The following NAV2 variants were observed in gnomAD, a reference collection of about 807,000 sequenced individuals.
NAV2 encodes helicase, APC down-regulated 1.
In NAV2, 54 loss-of-function variants were observed where a neutral mutation model predicts 223.2. The observed-to-expected ratio is 0.24, with a 90% CI of 0.19 to 0.30. The LOEUF (loss-of-function observed/expected upper bound fraction) is 0.30, where lower values mean the gene tolerates loss of function less well. Among genes scored for constraint, NAV2 ranks in the 10% least tolerant of loss-of-function variants. The pLI is 1.00. For missense variants in NAV2, 2,806 were observed against 3,147.5 expected (o/e 0.89, Z 2.60); for synonymous variants, 1,279 against 1,239.3 (o/e 1.03, Z -0.67).
intron 1 of NAV2, among the ~76,000 whole-genome samples, chr11:19,819,128 T>C (rs1414872370): frequency 6.6e-6 from 1 of 152,190 alleles, no homozygotes; most frequent in Non-Finnish European, 1.5e-5. Context: ...AGTCAGGTGT[T>C]GTGCTTGTGT....
intron 1 of NAV2, among the ~76,000 whole-genome samples, chr11:19,641,153 G>A (rs917698897): frequency 6.6e-6 from 1 of 152,156 alleles, no homozygotes; most frequent in Non-Finnish European, 1.5e-5. Context: ...ACCTGGGAGG[G>A]GCAGAGGTAA....
In NAV2 at chr11:19,764,474, G is replaced by A. The variant is rs188832634; in HGVS notation, c.267+50512G>A. ...AAAAGGAAGGGCATATTCCCAAGTA[G>A]ACACAGATGTATTGTTCATGCTAAC... On this transcript the variant is annotated intron_variant, in intron 1 of 37. Transcript: ENST00000349880. Among the ~76,000 whole-genome samples, 11 of 152,288 alleles carry A rather than the reference G, an allele frequency of 7.2e-5. No homozygotes were observed. In the East Asian group the frequency reaches 2.1e-3, roughly 29 times the overall value.
At chr11:19,848,646 C>A (rs148704166) in intron 3 of NAV2, among the ~76,000 whole-genome samples, 1 of 152,306 alleles carries the variant, frequency 6.6e-6, no homozygotes, top group African/African-American at 2.4e-5. Flanking sequence ...TTTAAGGCTT[C>A]CATGAGACAA....
At chr11:19,944,705 T>C (rs3044342) in intron 8 of NAV2, among the ~76,000 whole-genome samples, 36 of 145,266 alleles carry the variant, frequency 2.5e-4, no homozygotes, top group African/African-American at 9.3e-4. Context: ...TTCTTCCTTC[T>C]TTCCTTCCTT....
intron 1 of NAV2, among the ~76,000 whole-genome samples, chr11:19,478,660 A>G (rs962152396): frequency 6.6e-5 from 10 of 152,224 alleles, no homozygotes; most frequent in African/African-American, 2.2e-4. Flanking sequence ...CTAAGCCTTG[A>G]CCAACCAAGA....
In NAV2 at chr11:19,712,900, C is replaced by T. The variant is rs971960514; in HGVS notation, c.-796C>T. ...TCCCGGGAAGCGCGGCGGCCGCTCC[C>T]GAGCGCAGCCCTGCCCGGCCCGCCA... On this transcript the variant is annotated 5_prime_UTR_variant, in exon 1 of 38. Coordinates refer to ENST00000349880, the MANE Select transcript of NAV2 (RefSeq NM_145117.5). Among the ~76,000 whole-genome samples, 1 of 151,158 alleles carries T rather than the reference C, an allele frequency of 6.6e-6. No homozygotes were observed. Among genetic ancestry groups the T allele is most frequent in the Non-Finnish European group, 1.5e-5 (1 of 67,750 alleles).
chr11:20,088,680 G>A (rs1053148885), intron 26 of NAV2, among the ~76,000 whole-genome samples: 11 of 152,190 alleles, frequency 7.2e-5, no homozygotes, highest in Admixed American at 3.3e-4. Context: ...CATGTGATAC[G>A]TTCCACAACG....
chr11:19,559,519 T>C (rs1391303663), intron 1 of NAV2, among the ~76,000 whole-genome samples: 1 of 152,182 alleles, frequency 6.6e-6, no homozygotes, highest in Admixed American at 6.5e-5. Flanking sequence ...TGAATTATTT[T>C]GAGATTTTAA....
At position 19,481,825 on chromosome 11, in the gene NAV2, A is replaced by C. The variant is rs538610092; in HGVS notation, c.75+130798A>C. 2.0e-5 allele frequency among the ~76,000 whole-genome samples: 3 copies of C among 152,298 alleles called. No homozygotes were observed. The South Asian group carries it at 6.2e-4, about 32-fold the overall frequency. On this transcript the variant is annotated intron_variant, in intron 1 of 37. Transcript: ENST00000360655. ...TGCTTAAAGGCCACTAAATATCTAC[A>C]ATGTCTCACAGTTGGCCCACAAAGG...
At chr11:20,003,052 A>T (rs570227206) in intron 11 of NAV2, among the ~76,000 whole-genome samples, 2 of 152,216 alleles carry the variant, frequency 1.3e-5, no homozygotes, top group Non-Finnish European at 2.9e-5. Flanking sequence ...AGGCTACAGA[A>T]ATGCTTTCTG....
Position 19,618,328 on chromosome 11 carries a change from G to A in NAV2, c.76-214156G>A, listed in dbSNP as rs146289483. On this transcript the variant is annotated intron_variant, in intron 1 of 37. Transcript: ENST00000360655. ...TTGCTGGATGGATAGATGAACAGAC[G>A]GATGGATGGATTGCTTGATGGATTG... 4.8e-3 allele frequency among the ~76,000 whole-genome samples: 724 copies of A among 151,118 alleles called. 7 individuals carry two copies. Among genetic ancestry groups the A allele is most frequent in the African/African-American group, 0.017 (686 of 41,116 alleles).
intron 6 of NAV2, among the ~76,000 whole-genome samples, chr11:19,901,289 G>A (rs1327004576): frequency 6.6e-6 from 1 of 152,242 alleles, no homozygotes; most frequent in East Asian, 1.9e-4. Context: ...ACTCACGCCT[G>A]TAATCCCAGC....
intron 1 of NAV2, among the ~76,000 whole-genome samples, chr11:19,632,361 A>G (rs2047370335): frequency 1.3e-5 from 2 of 152,202 alleles, no homozygotes; most frequent in Non-Finnish European, 2.9e-5. Context: ...GCAAGGCTGT[A>G]TGCTTCCATA....
chr11:19,619,317 T>A (rs1473741526), intron 1 of NAV2, among the ~76,000 whole-genome samples: 1 of 152,152 alleles, frequency 6.6e-6, no homozygotes, highest in Non-Finnish European at 1.5e-5. Flanking sequence ...TAGTTCTAGA[T>A]CCTTGAGGAA....
chr11:20,085,849 T>C (rs1378229185), intron 26 of NAV2, among the ~76,000 whole-genome samples: 1 of 152,158 alleles, frequency 6.6e-6, no homozygotes, highest in Non-Finnish European at 1.5e-5. Context: ...GAGGCTTATG[T>C]CGCCTCTTCC....
At chr11:19,985,091 G>C (rs1449381136) in intron 11 of NAV2, among the ~76,000 whole-genome samples, 1 of 152,206 alleles carries the variant, frequency 6.6e-6, no homozygotes, top group African/African-American at 2.4e-5. Flanking sequence ...GGTTTAAAAT[G>C]ACCATAGACT....
chr11:19,416,524 A>G (rs1206101440), intron 1 of NAV2, among the ~76,000 whole-genome samples: 2 of 152,198 alleles, frequency 1.3e-5, no homozygotes, highest in Non-Finnish European at 2.9e-5. Context: ...TACTGCCCAA[A>G]GTAATTTATA....
rs80190194 is a variant in NAV2, at chr11:19,478,321, G to T, written c.75+127294G>T. 4.2e-3 allele frequency among the ~76,000 whole-genome samples: 632 copies of T among 152,208 alleles called. 2 individuals carry two copies. The highest frequency in any genetic ancestry group is 0.015 in the African/African-American group (612 of 41,542). ...GGAGTCCCAGTCACTGAGGGTGACTGGACAGGGAGACCCGGAGCCCGGTGC... is the reference window on the plus strand; with the variant it reads ...GGAGTCCCAGTCACTGAGGGTGACTTGACAGGGAGACCCGGAGCCCGGTGC... On this transcript the variant is annotated intron_variant, in intron 1 of 37. Coordinates refer to the NAV2 transcript ENST00000360655.
At chr11:19,550,726 C>G (rs1356090146) in intron 1 of NAV2, among the ~76,000 whole-genome samples, 1 of 152,204 alleles carries the variant, frequency 6.6e-6, no homozygotes, top group Non-Finnish European at 1.5e-5. Flanking sequence ...AGGCAGGACT[C>G]AACTCCTGAG....
Sources: allele counts gnomAD v4.1 joint callset (sites outside exome capture counted in the v4.1 genomes callset), GRCh38; gene constraint gnomAD v4.1.1; transcripts MANE v1.5; gene names NCBI Gene and HGNC (gene_info 2026-07-23, HGNC 2026-07-21).